ATP8A1: variants seen among roughly 807,000 people sequenced by gnomAD.
ATP8A1 encodes the protein phospholipid-transporting ATPase IA.
ATP8A1 carries 90 observed loss-of-function variants against 177.7 expected under a neutral mutation model. That is an observed-to-expected ratio of 0.51 (90% CI 0.43 to 0.60). The LOEUF is 0.60. Ranked by LOEUF, ATP8A1 falls within the 20% of genes least tolerant of loss-of-function variation. The probability of loss-of-function intolerance (pLI) is 0.00; values close to 1 mark genes in which losing one functional copy is unlikely to be tolerated. For synonymous variants in ATP8A1, 493 were observed against 485.9 expected, an observed-to-expected ratio of 1.01 and a Z score of -0.19; for missense variants, 1,072 against 1,392.8, an observed-to-expected ratio of 0.77 and a Z score of 3.67.
At chr4:42,523,711 C>G (rs1726382367) in intron 21 of ATP8A1, among the ~76,000 whole-genome samples, 1 of 152,106 alleles carries the variant, frequency 6.6e-6, no homozygotes, top group Non-Finnish European at 1.5e-5. Context: ...ATGCCCTCAG[C>G]TCTCCTCCAA....
intron 5 of ATP8A1, among the ~76,000 whole-genome samples, chr4:42,602,693 C>G (rs1400826767): frequency 6.6e-6 from 1 of 152,076 alleles, no homozygotes; most frequent in South Asian, 2.1e-4. Flanking sequence ...GGCTTGACCC[C>G]GCGAGGGGGA....
chr4:42,632,591 A>T (rs1191925077), intron 1 of ATP8A1, among the ~76,000 whole-genome samples: 3 of 152,222 alleles, frequency 2.0e-5, no homozygotes, highest in Non-Finnish European at 4.4e-5. Flanking sequence ...TGTTAATAAG[A>T]TTACTTTGTA....
At chr4:42,617,567 A>T (rs535606201) in intron 4 of ATP8A1, among the ~76,000 whole-genome samples, 4 of 152,358 alleles carry the variant, frequency 2.6e-5, no homozygotes, top group African/African-American at 9.6e-5. Flanking sequence ...AAAATTAGAA[A>T]GTGATCCAAA....
At chr4:42,620,235 T>G (rs899322803) in intron 4 of ATP8A1, among the ~76,000 whole-genome samples, 8 of 152,238 alleles carry the variant, frequency 5.3e-5, no homozygotes, top group Non-Finnish European at 1.0e-4. Flanking sequence ...GAGAGTATTC[T>G]TTCAAACTTT....
At position 42,419,692 on chromosome 4, in the gene ATP8A1, A is replaced by C. The variant is rs532516764; in HGVS notation, c.3305+3115T>G. Among the ~76,000 whole-genome samples, 10 of 152,306 alleles carry C rather than the reference A, an allele frequency of 6.6e-5. No individual in the cohort carries two copies. The East Asian group carries it at 9.6e-4, about 15-fold the overall frequency. On this transcript the variant is annotated intron_variant, in intron 35 of 36. Coordinates refer to ENST00000381668, the MANE Select transcript of ATP8A1 (RefSeq NM_006095.2). ...AAGAATCACAATTTCTTCCCTTTTG[A>C]TAAAGTAGATATAAAATTTGCTAAG...
intron 5 of ATP8A1, among the ~76,000 whole-genome samples, chr4:42,613,452 T>C (rs943840256): frequency 1.3e-5 from 2 of 152,212 alleles, no homozygotes; most frequent in African/African-American, 4.8e-5. Context: ...CCTATGCATG[T>C]CCTTTCATAT....
At chr4:42,451,389 C>T (rs1717915404) in intron 30 of ATP8A1, among the ~76,000 whole-genome samples, 1 of 152,128 alleles carries the variant, frequency 6.6e-6, no homozygotes, top group Non-Finnish European at 1.5e-5. Flanking sequence ...CAGAGCAGCA[C>T]CAGCTTAAGA....
chr4:42,456,370 A>G (rs1015705337), intron 27 of ATP8A1, among the ~76,000 whole-genome samples: 7 of 152,124 alleles, frequency 4.6e-5, no homozygotes, highest in Non-Finnish European at 1.0e-4. Context: ...ATAGTTCTTG[A>G]TAACCACTGC....
chr4:42,603,452 T>C (rs1286369224), intron 5 of ATP8A1, among the ~76,000 whole-genome samples: 1 of 152,192 alleles, frequency 6.6e-6, no homozygotes, highest in African/African-American at 2.4e-5. Context: ...TTAGTTTGGG[T>C]ATGGTTTTTT....
At chr4:42,605,685 C>A (rs1031040864) in intron 5 of ATP8A1, among the ~76,000 whole-genome samples, 1 of 152,168 alleles carries the variant, frequency 6.6e-6, no homozygotes, top group African/African-American at 2.4e-5. Flanking sequence ...AGTTTTCTCT[C>A]CACATTCAAA....
intron 2 of ATP8A1, chr4:42,626,695 C>T (rs1406573018): frequency 6.1e-6 from 2 of 328,474 alleles, no homozygotes; most frequent in Non-Finnish European, 1.1e-5. Context: ...ACCAGTAACG[C>T]ATCGCTCTAT....
chr4:42,458,059 A>G (rs977361020), intron 27 of ATP8A1, among the ~76,000 whole-genome samples: 2 of 152,176 alleles, frequency 1.3e-5, no homozygotes, highest in Non-Finnish European at 2.9e-5. Flanking sequence ...TTTTCACTCT[A>G]ATATTTTAAT....
Position 42,624,641 on chromosome 4 carries a change from G to GT in ATP8A1, c.265-8_265-7insA. The GT allele has an allele frequency of 9.0e-7, 1 of 1,108,538 alleles. No homozygotes were observed. The highest frequency in any genetic ancestry group is 1.2e-6 in the Non-Finnish European group (1 of 850,016). The allele number at this position is 1,108,538 out of a possible 1,614,324, so 68.7% of individuals were successfully genotyped here. On this transcript the variant is annotated splice_region_variant and splice_polypyrimidine_tract_variant and intron_variant, in intron 3 of 36. Coordinates refer to ENST00000381668, the MANE Select transcript of ATP8A1 (RefSeq NM_006095.2). ...GTGACACATCAGGTATTTGCTGTTT[G>GT]GAAAAAAAAAAAAAAGAGAAATCCA...
intron 9 of ATP8A1, among the ~76,000 whole-genome samples, chr4:42,585,332 T>C (rs1009598606): frequency 6.6e-6 from 1 of 151,852 alleles, no homozygotes; most frequent in African/African-American, 2.4e-5. Context: ...ATTGTTTGTA[T>C]GTTTGCCATT....
Position 42,642,622 on chromosome 4 carries a change from G to A in ATP8A1, c.49+14203C>T, listed in dbSNP as rs550835665. On this transcript the variant is annotated intron_variant, in intron 1 of 36. Coordinates refer to ENST00000381668, the MANE Select transcript of ATP8A1 (RefSeq NM_006095.2). ...CTACACATGTGTGAGATTGCCGCAC[G>A]CCCTACTCAATCCACAGGTAGAACA... Among the ~76,000 whole-genome samples, 52 of 152,274 alleles carry A rather than the reference G, an allele frequency of 3.4e-4. 1 individual carries two copies. In the South Asian group the frequency reaches 9.8e-3, roughly 29 times the overall value.
intron 24 of ATP8A1, among the ~76,000 whole-genome samples, chr4:42,492,996 G>A (rs1722878311): frequency 1.3e-5 from 2 of 152,198 alleles, no homozygotes; most frequent in African/African-American, 4.8e-5. Flanking sequence ...CTGAAACGAG[G>A]TAACTGGAGG....
chr4:42,508,740 C>T (rs902416522), intron 22 of ATP8A1, among the ~76,000 whole-genome samples: 5 of 152,234 alleles, frequency 3.3e-5, no homozygotes, highest in Non-Finnish European at 5.9e-5. Context: ...CAGCATTTAT[C>T]TTTCTTCTCA....
intron 1 of ATP8A1, among the ~76,000 whole-genome samples, chr4:42,652,784 C>T (rs965986202): frequency 2.0e-5 from 3 of 152,210 alleles, no homozygotes; most frequent in African/African-American, 7.2e-5. Context: ...TTTGCTCCTC[C>T]TTCACTTTCC....
chr4:42,581,323 C>T (rs1316552983), intron 10 of ATP8A1, among the ~76,000 whole-genome samples: 3 of 152,086 alleles, frequency 2.0e-5, no homozygotes, highest in African/African-American at 4.8e-5. Context: ...TCAGTAGAGA[C>T]GGGCTTTCAC....
Sources: gnomAD v4.1 joint callset for allele counts (sites outside exome capture counted in the v4.1 genomes callset) on GRCh38, gnomAD v4.1.1 for gene constraint, MANE v1.5 for transcripts, NCBI Gene and HGNC (gene_info 2026-07-23, HGNC 2026-07-21) for gene names.